The following SYT17 variants were observed in gnomAD, a reference collection of about 807,000 sequenced individuals.
The protein encoded by SYT17 is synaptotagmin-17.
SYT17 carries 22 observed loss-of-function variants against 46.7 expected under a neutral mutation model. The observed-to-expected ratio is 0.47, with a 90% CI of 0.34 to 0.67. The LOEUF is 0.67. SYT17 is among the 30% of genes least tolerant of loss of function. The pLI, the probability that SYT17 is intolerant of heterozygous loss-of-function variation, is 0.01. For missense variants in SYT17, 519 were observed against 612.8 expected (o/e 0.85, Z 1.62); for synonymous variants, 251 against 248.4 (o/e 1.01, Z -0.10).
intron 7 of SYT17, among the ~76,000 whole-genome samples, chr16:19,239,571 C>T (rs988956641): frequency 1.1e-4 from 17 of 152,202 alleles, no homozygotes; most frequent in African/African-American, 2.9e-4. Context: ...ACGGTAATAA[C>T]AGCAAACACT....
chr16:19,170,397 G>A (rs565224503), intron 1 of SYT17: 1 of 151,852 alleles, frequency 6.6e-6, no homozygotes, highest in South Asian at 2.1e-4. Flanking sequence ...TTTGATCTGC[G>A]AGCCTTAGTT....
intron 7 of SYT17, among the ~76,000 whole-genome samples, chr16:19,229,392 T>G (rs1057394237): frequency 9.2e-5 from 14 of 151,914 alleles, no homozygotes; most frequent in African/African-American, 3.4e-4. Flanking sequence ...GCACCTGACA[T>G]GGCCAGAGCA....
chr16:19,187,577 A>G (rs1195767113), intron 5 of SYT17, among the ~76,000 whole-genome samples: 1 of 152,220 alleles, frequency 6.6e-6, no homozygotes, highest in Non-Finnish European at 1.5e-5. Context: ...TACCAGACTC[A>G]TACTAGTGAG....
intron 3 of SYT17, among the ~76,000 whole-genome samples, chr16:19,177,629 C>T (rs1425751961): frequency 6.6e-6 from 1 of 152,156 alleles, no homozygotes; most frequent in Non-Finnish European, 1.5e-5. Context: ...TGTGGACTGG[C>T]ATGTGGCAGA....
chr16:19,222,642 C>T (rs1429224376), intron 5 of SYT17, among the ~76,000 whole-genome samples: 2 of 152,222 alleles, frequency 1.3e-5, no homozygotes, highest in Non-Finnish European at 1.5e-5. Context: ...ACCAGCTCTA[C>T]CACTTTCTTG....
intron 6 of SYT17, among the ~76,000 whole-genome samples, chr16:19,224,226 A>G (rs1338312182): frequency 6.6e-6 from 1 of 152,198 alleles, no homozygotes; most frequent in African/African-American, 2.4e-5. Flanking sequence ...TGTGTCCACC[A>G]GCAAGATCTT....
At chr16:19,237,005 C>T (rs1207623601) in intron 7 of SYT17, among the ~76,000 whole-genome samples, 1 of 152,190 alleles carries the variant, frequency 6.6e-6, no homozygotes, top group African/African-American at 2.4e-5. Context: ...CCTAGGCAAA[C>T]AAAGATACTC....
At chr16:19,264,445 C>T (rs2143003790) in intron 7 of SYT17, among the ~76,000 whole-genome samples, 1 of 152,262 alleles carries the variant, frequency 6.6e-6, no homozygotes, top group African/African-American at 2.4e-5. Flanking sequence ...GCAGAAAATT[C>T]TATGGGATCA....
rs11359520 is a variant in SYT17, at chr16:19,181,702, G to GA, written c.331+1178dup. Among the ~76,000 whole-genome samples, 662 of 144,320 alleles carry GA rather than the reference G, an allele frequency of 4.6e-3. 6 individuals are homozygous for GA. The highest frequency in any genetic ancestry group is 0.014 in the African/African-American group (560 of 39,742). The allele number at this position is 144,320 out of a possible 152,430, so 94.7% of individuals were successfully genotyped here. The stretch of plus-strand genomic sequence containing the variant: ...CATACTGGACTTTCAGGACAGTGAG[G>GA]AAAAAAAAAAAAAAAGTCTGGGCGC... On this transcript the variant is annotated intron_variant, in intron 4 of 7. Transcript: ENST00000355377.
chr16:19,168,485 G>T lies in SYT17; in HGVS notation c.-162G>T. On this transcript the variant is annotated 5_prime_UTR_variant, in exon 1 of 8. Transcript: ENST00000355377. This position sits in a 1 kb window ranked among gnomAD's most constrained non-coding sequence, Gnocchi z 6.9. ...AAAGGCAAGGACGGGGCGGCCGGCG[G>T]AGGGGCGGGCGCCGCTCATCAGCCA... 1 of 931,962 alleles carries T rather than the reference G, an allele frequency of 1.1e-6. No homozygotes were observed. The allele number at this position is 931,962 out of a possible 1,614,324, so 57.7% of individuals were successfully genotyped here.
intron 7 of SYT17, among the ~76,000 whole-genome samples, chr16:19,257,847 A>T (rs1597046385): frequency 1.3e-5 from 2 of 152,320 alleles, no homozygotes; most frequent in Non-Finnish European, 2.9e-5. Context: ...TCAGAGTTGC[A>T]TATGGGAGCA....
At position 19,168,480 on chromosome 16, in the gene SYT17, C is replaced by A; in HGVS notation, c.-167C>A. On this transcript the variant is annotated 5_prime_UTR_variant, in exon 1 of 8. Transcript: ENST00000355377. This position sits in a 1 kb window ranked among gnomAD's most constrained non-coding sequence, Gnocchi z 6.9. ...CAGGGAAAGGCAAGGACGGGGCGGC[C>A]GGCGGAGGGGCGGGCGCCGCTCATC... is the stretch of plus-strand genomic sequence containing the variant. The A allele has an allele frequency of 1.1e-6, 1 of 899,258 alleles. No individual in the cohort carries two copies. Among genetic ancestry groups the A allele is most frequent in the Non-Finnish European group, 1.7e-6 (1 of 594,628 alleles). 55.7% of individuals were successfully genotyped at this position (899,258 alleles called of 1,614,324 possible). A position where few individuals can be genotyped will look rare whatever the true frequency, so the allele number is the denominator to read the frequency against.
chr16:19,248,413 G>A (rs1967750366), intron 7 of SYT17, among the ~76,000 whole-genome samples: 2 of 152,138 alleles, frequency 1.3e-5, no homozygotes, highest in African/African-American at 4.8e-5. Flanking sequence ...ACAAAAAAAG[G>A]CATGTATGCA....
chr16:19,203,676 G>A (rs549282364), intron 5 of SYT17, among the ~76,000 whole-genome samples: 37 of 152,352 alleles, frequency 2.4e-4, no homozygotes, highest in African/African-American at 6.0e-4. Flanking sequence ...GGTTCCCTCC[G>A]CTGCAGGGAC....
At chr16:19,209,482 G>A (rs1340477268) in intron 5 of SYT17, among the ~76,000 whole-genome samples, 2 of 152,130 alleles carry the variant, frequency 1.3e-5, no homozygotes, top group Non-Finnish European at 2.9e-5. Flanking sequence ...CTAATGAAAA[G>A]CCTGACAATA....
intron 7 of SYT17, among the ~76,000 whole-genome samples, chr16:19,237,414 AG>A (rs1966863544): frequency 6.6e-6 from 1 of 152,116 alleles, no homozygotes; most frequent in African/African-American, 2.4e-5. Context: ...TAGCTAAAAC[AG>A]GGATGGGGGA....
chr16:19,215,421 C>T (rs972906016), intron 5 of SYT17, among the ~76,000 whole-genome samples: 2 of 152,068 alleles, frequency 1.3e-5, no homozygotes, highest in Non-Finnish European at 2.9e-5. Flanking sequence ...TCTTTGGCTG[C>T]TTTATTTTAT....
intron 7 of SYT17, among the ~76,000 whole-genome samples, chr16:19,235,926 G>A (rs11074372): frequency 0.67 from 101,823 of 152,050 alleles, 34,696 homozygotes; most frequent in East Asian, 0.99. Context: ...AAAGGGTGGG[G>A]AGACCTATGG....
intron 2 of SYT17, chr16:19,173,208 A>T: frequency 1.8e-6 from 1 of 564,924 alleles, no homozygotes; most frequent in Non-Finnish European, 3.1e-6. Context: ...TAACGGCTCC[A>T]GCGAGTTGAT....
Sources: allele counts gnomAD v4.1 joint callset (sites outside exome capture counted in the v4.1 genomes callset), GRCh38; gene constraint gnomAD v4.1.1; non-coding constraint Gnocchi (gnomAD v3.1); transcripts MANE v1.5; gene names NCBI Gene and HGNC (gene_info 2026-07-23, HGNC 2026-07-21).